Variants in CPE observed in about 807,000 individuals in gnomAD.
CPE encodes the protein carboxypeptidase E.
In CPE, 17 loss-of-function variants were observed where a neutral mutation model predicts 53.5. The ratio of observed to expected loss-of-function variants is 0.32; its 90% CI spans 0.22 to 0.48. The LOEUF is 0.48. Among genes scored for constraint, CPE ranks in the 20% least tolerant of loss-of-function variants. The pLI is 0.99. For synonymous variants in CPE, 226 were observed against 228.8 expected (o/e 0.99, Z 0.11); for missense variants, 524 against 614.7 (o/e 0.85, Z 1.56).
intron 1 of CPE, among the ~76,000 whole-genome samples, chr4:165,386,570 T>C (rs190168130): frequency 1.2e-4 from 18 of 152,316 alleles, no homozygotes; most frequent in African/African-American, 3.8e-4. Flanking sequence ...CTGAATCCAG[T>C]TTTGCATAAT....
chr4:165,446,898 T>C (rs891480486), intron 1 of CPE, among the ~76,000 whole-genome samples: 4 of 152,212 alleles, frequency 2.6e-5, no homozygotes, highest in Non-Finnish European at 5.9e-5. Context: ...AATGGAGATA[T>C]GTTTTGAGAA....
chr4:165,404,539 G>C, intron 1 of CPE: 2 of 880,362 alleles, frequency 2.3e-6, no homozygotes, highest in Non-Finnish European at 3.9e-6. Flanking sequence ...GCTCCCCAAA[G>C]GCTTTGCCCA....
In CPE at chr4:165,484,541, G is replaced by A; in HGVS notation, c.910G>A (p.Asp304Asn). The A allele has an allele frequency of 6.2e-7, 1 of 1,614,154 alleles. No individual in the cohort carries two copies. Among genetic ancestry groups the A allele is most frequent in the Non-Finnish European group, 8.5e-7 (1 of 1,179,994 alleles). The change falls in exon 5 of 9, where the codon GAT becomes AAT. Residue 304 changes from aspartate (D) to asparagine (N), a missense_variant. By Grantham distance (23) the Asp-to-Asn change is conservative. Transcript: ENST00000402744. Reference protein sequence around the residue: ...DPNRPPCRKNDDDSSFVDGTT... With the variant: ...DPNRPPCRKNNDDSSFVDGTT... ...CAATCGGCCACCATGTCGCAAGAAT[G>A]ATGATGACAGCAGCTTTGTAGATGG...
intron 1 of CPE, among the ~76,000 whole-genome samples, chr4:165,390,706 A>G (rs1057149969): frequency 1.3e-5 from 2 of 152,144 alleles, no homozygotes; most frequent in Non-Finnish European, 2.9e-5. Context: ...TTTCATATGT[A>G]TGAGTAACAC....
At chr4:165,437,954 GT>G (rs1401567412) in intron 1 of CPE, among the ~76,000 whole-genome samples, 2 of 152,164 alleles carry the variant, frequency 1.3e-5, no homozygotes, top group Non-Finnish European at 2.9e-5. Flanking sequence ...GAATCAGAAA[GT>G]GTCTGGAGGG....
chr4:165,473,385 G>A (rs1253032920), intron 3 of CPE, among the ~76,000 whole-genome samples: 1 of 152,144 alleles, frequency 6.6e-6, no homozygotes. Context: ...TTTTCTTTCT[G>A]TTAGGAAGTT....
Position 165,487,447 on chromosome 4 carries a change from A to T in CPE, c.983A>T (p.Asp328Val). 1.2e-6 allele frequency: 2 copies of T among 1,613,980 alleles called. No homozygotes were observed. Among genetic ancestry groups the T allele is most frequent in the East Asian group, 4.5e-5 (2 of 44,864 alleles). ...AWYSVPGGMQDFNYLSSNCFE... is the reference protein window; with the variant it reads ...AWYSVPGGMQVFNYLSSNCFE... ...TTTGGTGTTTTGGCAGGGATGCAAGACTTCAATTACCTTAGCAGCAACTGT... is the reference window on the plus strand; with the variant it reads ...TTTGGTGTTTTGGCAGGGATGCAAGTCTTCAATTACCTTAGCAGCAACTGT... Residue 328 changes from aspartate to valine, a missense_variant, in exon 6 of 9, where the codon GAC (aspartate) becomes GTC (valine). Asp to Val is a radical substitution (Grantham distance 152). Transcript: ENST00000402744.
At chr4:165,423,934 A>G (rs961343272) in intron 1 of CPE, among the ~76,000 whole-genome samples, 2 of 151,586 alleles carry the variant, frequency 1.3e-5, no homozygotes, top group African/African-American at 4.8e-5. Flanking sequence ...GAGAATGATG[A>G]TTTCCAATTT....
chr4:165,468,695 G>A (rs1313248008), intron 3 of CPE, among the ~76,000 whole-genome samples: 6 of 152,138 alleles, frequency 3.9e-5, no homozygotes, highest in East Asian at 3.9e-4. Context: ...AGATCCCCAC[G>A]GTCTCCTGCT....
At chr4:165,466,967 C>G (rs1411208506) in intron 2 of CPE, among the ~76,000 whole-genome samples, 2 of 152,102 alleles carry the variant, frequency 1.3e-5, no homozygotes, top group Admixed American at 1.3e-4. Context: ...AAGCTTTTTT[C>G]TATTTTTAAA....
At chr4:165,479,919 G>C (rs1418095873) in intron 3 of CPE, among the ~76,000 whole-genome samples, 2 of 151,054 alleles carry the variant, frequency 1.3e-5, no homozygotes, top group Non-Finnish European at 2.9e-5. Context: ...GTGAACCCGG[G>C]AGGCGGAGCT....
At chr4:165,431,554 A>C (rs1323799851) in intron 1 of CPE, among the ~76,000 whole-genome samples, 1 of 152,168 alleles carries the variant, frequency 6.6e-6, no homozygotes, top group African/African-American at 2.4e-5. Context: ...CATAGTTAAT[A>C]ATAGGGGGAG....
At position 165,493,223 on chromosome 4, in the gene CPE, C is replaced by G; in HGVS notation, c.1166C>G (p.Ala389Gly). ...CGAGACCTTCAAGGTAACCCAATTG[C>G]GAATGCCACCATCTCCGTGGAAGGA... is the stretch of plus-strand genomic sequence containing the variant. ...FVRDLQGNPIANATISVEGID... is the reference protein window; with the variant it reads ...FVRDLQGNPIGNATISVEGID... The change falls in exon 7 of 9, where the codon GCG (alanine) becomes GGG (glycine). Residue 389 changes from alanine (A) to glycine (G), a missense_variant. Physicochemically the swap from Ala to Gly is moderately conservative, Grantham distance 60 (BLOSUM62 0). Transcript: ENST00000402744. The G allele has an allele frequency of 6.2e-7, 1 of 1,614,022 alleles. No individual in the cohort carries two copies. The highest frequency in any genetic ancestry group is 8.5e-7 in the Non-Finnish European group (1 of 1,179,946).
At chr4:165,428,472 C>T (rs1731357731) in intron 1 of CPE, among the ~76,000 whole-genome samples, 1 of 152,198 alleles carries the variant, frequency 6.6e-6, no homozygotes, top group Non-Finnish European at 1.5e-5. Context: ...TTTGACATCA[C>T]AGCATAAAGA....
intron 1 of CPE, among the ~76,000 whole-genome samples, chr4:165,385,347 G>A (rs1730573368): frequency 6.6e-6 from 1 of 151,480 alleles, no homozygotes; most frequent in African/African-American, 2.4e-5. Flanking sequence ...CCTGCCAAAT[G>A]CTTTCCTCTT....
intron 1 of CPE, among the ~76,000 whole-genome samples, chr4:165,391,487 C>CTAACAACT (rs1378159633): frequency 6.6e-6 from 1 of 152,062 alleles, no homozygotes; most frequent in Non-Finnish European, 1.5e-5. Context: ...AAAGGCCCTA[C>CTAACAACT]TAACAACTTG....
intron 1 of CPE, among the ~76,000 whole-genome samples, chr4:165,426,570 T>C (rs1731320069): frequency 7.0e-6 from 1 of 142,414 alleles, no homozygotes; most frequent in African/African-American, 2.6e-5. Flanking sequence ...TTCAGTGGCC[T>C]ATTTTATGTA....
At chr4:165,446,329 G>A (rs1401390610) in intron 1 of CPE, among the ~76,000 whole-genome samples, 2 of 152,104 alleles carry the variant, frequency 1.3e-5, no homozygotes, top group South Asian at 2.1e-4. Flanking sequence ...ATAAACAAAA[G>A]TGTAATGTAC....
Position 165,379,474 on chromosome 4 carries a change from G to C in CPE, c.253G>C (p.Gly85Arg), listed in dbSNP as rs745772859. ...TTACACGGTGGGGCGCAGCTTCGAGGGCCGGGAGCTCCTGGTCATCGAGCT... is the reference window on the plus strand; with the variant it reads ...TTACACGGTGGGGCGCAGCTTCGAGCGCCGGGAGCTCCTGGTCATCGAGCT... ...RIYTVGRSFE[G>R]RELLVIELSD... Residue 85 changes from glycine to arginine, a missense_variant, in exon 1 of 9, where the codon GGC becomes CGC. Coordinates refer to ENST00000402744, the MANE Select transcript of CPE (RefSeq NM_001873.4). The surrounding 1 kb of genome is among the most constrained non-coding windows in gnomAD (Gnocchi z 6.0). 3.7e-6 allele frequency: 6 copies of C among 1,603,282 alleles called. No homozygotes were observed. In the Admixed American group the frequency reaches 1.0e-4, roughly 27 times the overall value.
Sources: gnomAD v4.1 joint callset for allele counts (sites outside exome capture counted in the v4.1 genomes callset) on GRCh38, gnomAD v4.1.1 for gene constraint, Gnocchi (gnomAD v3.1) non-coding constraint, MANE v1.5 for transcripts, NCBI Gene and HGNC (gene_info 2026-07-23, HGNC 2026-07-21) for gene names.